Variants in SAMSN1 observed in about 807,000 individuals in gnomAD.
SAMSN1 encodes SAM domain, SH3 domain and nuclear localization signals 1.
Under a neutral mutation model 42.0 loss-of-function variants are expected in SAMSN1, and 31 were observed. That is an observed-to-expected ratio of 0.74 (90% CI 0.55 to 1.00). The LOEUF (loss-of-function observed/expected upper bound fraction) is 1.00, where lower values mean the gene tolerates loss of function less well. Ranked by LOEUF, SAMSN1 falls within the 50% of genes least tolerant of loss-of-function variation. The pLI is 0.00. For synonymous variants in SAMSN1, 178 were observed against 151.9 expected, an observed-to-expected ratio of 1.17 and a Z score of -1.26; for missense variants, 464 against 439.4, an observed-to-expected ratio of 1.06 and a Z score of -0.50.
Position 14,590,902 on chromosome 21 carries a change from A to G in SAMSN1, c.465+3111T>C, listed in dbSNP as rs115220805. Reference sequence around the variant, plus strand: ...TTTAAGGTCACAATGATCAATAAACATTTAGAAACTCAATGGACAGTAATA... The same window carrying G: ...TTTAAGGTCACAATGATCAATAAACGTTTAGAAACTCAATGGACAGTAATA... On this transcript the variant is annotated intron_variant, in intron 7 of 15. Coordinates refer to the SAMSN1 transcript ENST00000647101. 9.2e-3 allele frequency among the ~76,000 whole-genome samples: 1,407 copies of G among 152,312 alleles called. 29 individuals carry two copies. The highest frequency in any genetic ancestry group is 0.033 in the African/African-American group (1,355 of 41,566).
chr21:14,517,252 G>T (rs764625819), intron 2 of SAMSN1, among the ~76,000 whole-genome samples: 2 of 152,140 alleles, frequency 1.3e-5, no homozygotes, highest in African/African-American at 2.4e-5. Context: ...AGTAAAATTC[G>T]TGATGTTAAA....
rs1314200847 is a variant in SAMSN1, at chr21:14,500,739, A to G, written c.562-4T>C. On this transcript the variant is annotated splice_polypyrimidine_tract_variant and splice_region_variant and intron_variant, in intron 5 of 7. Transcript: ENST00000400566. Reference sequence around the variant, plus strand: ...TAATGTCTATGATGTCTCCTTTCTAAGGGCAAAGAAATCCATACACATTAG... The same window carrying G: ...TAATGTCTATGATGTCTCCTTTCTAGGGGCAAAGAAATCCATACACATTAG... The G allele has an allele frequency of 6.2e-7, 1 of 1,606,214 alleles. No individual in the cohort carries two copies. The highest frequency in any genetic ancestry group is 1.3e-5 in the African/African-American group (1 of 74,756).
chr21:14,537,738 A>G (rs1403607699), intron 1 of SAMSN1, among the ~76,000 whole-genome samples: 2 of 152,188 alleles, frequency 1.3e-5, no homozygotes, highest in East Asian at 1.9e-4. Flanking sequence ...TGATTCAAAT[A>G]TTCGGCCTAG....
intron 2 of SAMSN1, among the ~76,000 whole-genome samples, chr21:14,519,349 T>A (rs563116169): frequency 4.2e-4 from 64 of 152,262 alleles, no homozygotes; most frequent in African/African-American, 1.5e-3. Flanking sequence ...CCAATGAACC[T>A]GAATGAACAT....
intron 2 of SAMSN1, among the ~76,000 whole-genome samples, chr21:14,580,235 CA>C (rs1981659084): frequency 6.6e-6 from 1 of 152,156 alleles, no homozygotes. Flanking sequence ...TTAGGAATAG[CA>C]AATCATTCAG....
At chr21:14,606,790 A>G (rs2123314009) in intron 5 of SAMSN1, among the ~76,000 whole-genome samples, 1 of 152,316 alleles carries the variant, frequency 6.6e-6, no homozygotes, top group Non-Finnish European at 1.5e-5. Flanking sequence ...GACTAGATAA[A>G]CTAAAAATAT....
At chr21:14,618,835 T>C (rs1982926517) in intron 2 of SAMSN1, among the ~76,000 whole-genome samples, 1 of 152,208 alleles carries the variant, frequency 6.6e-6, no homozygotes, top group South Asian at 2.1e-4. Context: ...TAAAACTTAC[T>C]CCTGTTAGCC....
chr21:14,617,991 C>A (rs1982887804), intron 2 of SAMSN1, among the ~76,000 whole-genome samples: 1 of 152,204 alleles, frequency 6.6e-6, no homozygotes, highest in Non-Finnish European at 1.5e-5. Context: ...GTGAAAGGAA[C>A]ATAATTAGCT....
intron 2 of SAMSN1, among the ~76,000 whole-genome samples, chr21:14,554,858 C>T (rs1010004805): frequency 6.6e-6 from 1 of 151,874 alleles, no homozygotes; most frequent in African/African-American, 2.4e-5. Context: ...ACCATAATGT[C>T]TGGTTTATTT....
At chr21:14,598,531 C>T (rs1048324849) in intron 6 of SAMSN1, among the ~76,000 whole-genome samples, 3 of 152,150 alleles carry the variant, frequency 2.0e-5, no homozygotes, top group Admixed American at 6.5e-5. Context: ...ACTTCTTCCA[C>T]AAGCCTGGTT....
chr21:14,594,553 T>TAC (rs1360735767), intron 6 of SAMSN1: 2 of 152,272 alleles, frequency 1.3e-5, no homozygotes, highest in Non-Finnish European at 2.9e-5. Context: ...TCAAGCCAAA[T>TAC]ACACATTTGG....
At chr21:14,574,209 A>G (rs912813350) in intron 2 of SAMSN1, among the ~76,000 whole-genome samples, 1 of 152,190 alleles carries the variant, frequency 6.6e-6, no homozygotes, top group African/African-American at 2.4e-5. Context: ...CAGATTGTCC[A>G]TAATTGTCTT....
intron 2 of SAMSN1, among the ~76,000 whole-genome samples, chr21:14,580,383 T>G (rs9305390): frequency 0.064 from 9,747 of 152,298 alleles, 596 homozygotes; most frequent in African/African-American, 0.16. Context: ...AAGAAAACTC[T>G]GACTATTTGT....
rs1458781889 is a variant in SAMSN1 at position 14,572,692 on chromosome 21, G to A, written c.261+9444C>T. ...AAAGTTATATTGCACCTTGAAGGCA[G>A]GGTCTCTAATTATCAAGCTGTTAAA... is the stretch of plus-strand genomic sequence containing the variant. On this transcript the variant is annotated intron_variant, in intron 2 of 8. Coordinates refer to the SAMSN1 transcript ENST00000285670. Among the ~76,000 whole-genome samples the A allele has an allele frequency of 2.6e-5, 4 of 152,116 alleles. No homozygotes were observed. In the South Asian group the frequency reaches 8.3e-4, roughly 32 times the overall value.
intron 1 of SAMSN1, among the ~76,000 whole-genome samples, chr21:14,523,571 G>A (rs1466260842): frequency 6.6e-6 from 1 of 152,192 alleles, no homozygotes; most frequent in East Asian, 1.9e-4. Flanking sequence ...GAAGGGAATT[G>A]AGCGTATTGT....
intron 1 of SAMSN1, among the ~76,000 whole-genome samples, chr21:14,527,631 C>T (rs1403537897): frequency 6.6e-6 from 1 of 152,082 alleles, no homozygotes; most frequent in Non-Finnish European, 1.5e-5. Flanking sequence ...CTGATTCCAC[C>T]ACGGTTTTAC....
Position 14,485,800 on chromosome 21 carries a change from CTT to C in SAMSN1, c.*110_*111del. On this transcript the variant is annotated 3_prime_UTR_variant, in exon 8 of 8. Coordinates refer to ENST00000400566, the MANE Select transcript of SAMSN1 (RefSeq NM_022136.5). ...AATTATTCAGATTAAAACATTTAAA[CTT>C]TAGGTTTTATTTACAAATATTTATC... The C allele has an allele frequency of 1.2e-6, 1 of 825,362 alleles. No individual in the cohort carries two copies. The highest frequency in any genetic ancestry group is 2.0e-6 in the Non-Finnish European group (1 of 511,080). The allele number at this position is 825,362 out of a possible 1,614,324, so 51.1% of individuals were successfully genotyped here. A position where few individuals can be genotyped will look rare whatever the true frequency, so the allele number is the denominator to read the frequency against.
upstream of SAMSN1, among the ~76,000 whole-genome samples, chr21:14,586,356 C>T (rs916378448): frequency 6.6e-6 from 1 of 150,896 alleles, no homozygotes; most frequent in African/African-American, 2.4e-5. Context: ...TTATCCATTA[C>T]CTACATATTT....
chr21:14,522,347 T>G (rs528520273), intron 1 of SAMSN1, among the ~76,000 whole-genome samples: 1 of 152,366 alleles, frequency 6.6e-6, no homozygotes, highest in South Asian at 2.1e-4. Context: ...TTTGGGATGG[T>G]GGATATCTGA....
Sources: allele counts gnomAD v4.1 joint callset (sites outside exome capture counted in the v4.1 genomes callset), GRCh38; gene constraint gnomAD v4.1.1; transcripts MANE v1.5; gene names NCBI Gene and HGNC (gene_info 2026-07-23, HGNC 2026-07-21).